MATN2: variants seen among roughly 807,000 people sequenced by gnomAD.
MATN2 encodes the protein matrilin-2.
Under a neutral mutation model 103.2 loss-of-function variants are expected in MATN2, and 69 were observed. The ratio of observed to expected loss-of-function variants is 0.67; its 90% CI spans 0.55 to 0.82. The LOEUF is 0.82. Among genes scored for constraint, MATN2 ranks in the 40% least tolerant of loss-of-function variants. The pLI, the probability that MATN2 is intolerant of heterozygous loss-of-function variation, is 0.00. For missense variants in MATN2, 1,023 were observed against 1,211.5 expected (o/e 0.84, Z 2.31); for synonymous variants, 429 against 450.2 (o/e 0.95, Z 0.60).
At chr8:98,029,968 T>G (rs1268929955) in intron 14 of MATN2, among the ~76,000 whole-genome samples, 1 of 152,188 alleles carries the variant, frequency 6.6e-6, no homozygotes, top group Non-Finnish European at 1.5e-5. Flanking sequence ...GCTTAGCACT[T>G]CCTCACAAAG....
At chr8:98,023,069 C>T (rs956333219) in intron 13 of MATN2, among the ~76,000 whole-genome samples, 3 of 152,022 alleles carry the variant, frequency 2.0e-5, no homozygotes, top group Admixed American at 1.3e-4. Context: ...GCCTGGGCAA[C>T]AGAGGAAGAC....
rs910008158 is a variant in MATN2, at chr8:98,036,189, A to C, written c.*477A>C. ...TGGAACAAGTTGGATTTTTTATACA[A>C]TATTAAAATTCACCACTTCAGAGAA... On this transcript the variant is annotated 3_prime_UTR_variant, in exon 19 of 19. Transcript: ENST00000254898. 6.6e-6 allele frequency: 1 copy of C among 152,418 alleles called. No homozygotes were observed. Among genetic ancestry groups the C allele is most frequent in the Admixed American group, 6.5e-5 (1 of 15,290 alleles). 9.4% of individuals were successfully genotyped at this position (152,418 alleles called of 1,614,324 possible). A position where few individuals can be genotyped will look rare whatever the true frequency, so the allele number is the denominator to read the frequency against.
intron 7 of MATN2, among the ~76,000 whole-genome samples, chr8:98,002,213 C>T (rs1326430713): frequency 6.6e-6 from 1 of 152,164 alleles, no homozygotes; most frequent in Non-Finnish European, 1.5e-5. Flanking sequence ...CTGGTTATGA[C>T]ACAGTTTCCA....
At chr8:98,022,417 A>C (rs1813631198) in intron 13 of MATN2, among the ~76,000 whole-genome samples, 1 of 152,142 alleles carries the variant, frequency 6.6e-6, no homozygotes, top group Non-Finnish European at 1.5e-5. Flanking sequence ...GTTTTGTTCC[A>C]AATGCATGTA....
At chr8:97,879,522 A>G (rs964148543) in intron 1 of MATN2, among the ~76,000 whole-genome samples, 8 of 152,192 alleles carry the variant, frequency 5.3e-5, no homozygotes. Flanking sequence ...TGGCTGAGAA[A>G]GGGTGTGGGT....
At chr8:97,971,516 C>T (rs531930453) in intron 5 of MATN2, among the ~76,000 whole-genome samples, 36 of 152,188 alleles carry the variant, frequency 2.4e-4, no homozygotes, top group Non-Finnish European at 4.0e-4. Flanking sequence ...CTAAGAACCT[C>T]CTCTGCTTTA....
chr8:97,931,197 T>C lies in MATN2; in HGVS notation c.387T>C (p.His129=). ...EVERAVKRMR[H]LSTGTMTGLA... ...AGCGTGCTGTCAAGAGGATGCGGCA[T>C]CTGTCCACGGGCACCATGACTGGGC... is the stretch of plus-strand genomic sequence containing the variant. The change falls in exon 3 of 19, where the codon CAT becomes CAC. Residue 129 remains histidine (H), a synonymous_variant. Coordinates refer to ENST00000254898, the MANE Select transcript of MATN2 (RefSeq NM_002380.5). This position sits in a 1 kb window ranked among gnomAD's most constrained non-coding sequence, Gnocchi z 4.1. 6 of 1,613,216 alleles carry C rather than the reference T, an allele frequency of 3.7e-6. No homozygotes were observed. The highest frequency in any genetic ancestry group is 5.1e-6 in the Non-Finnish European group (6 of 1,179,266).
chr8:97,950,412 C>G (rs1304335426), intron 4 of MATN2, among the ~76,000 whole-genome samples: 1 of 151,776 alleles, frequency 6.6e-6, no homozygotes, highest in Non-Finnish European at 1.5e-5. Context: ...TAAATTGGGG[C>G]TGGCAATAAT....
intron 7 of MATN2, among the ~76,000 whole-genome samples, chr8:98,002,797 T>A (rs77782133): frequency 6.6e-6 from 1 of 152,158 alleles, no homozygotes; most frequent in African/African-American, 2.4e-5. Flanking sequence ...CCTGGTTTCC[T>A]GAAGATTTAG....
chr8:98,026,252 T>G (rs1366260511), intron 13 of MATN2, among the ~76,000 whole-genome samples: 2 of 143,420 alleles, frequency 1.4e-5, no homozygotes, highest in Admixed American at 7.0e-5. Flanking sequence ...TTTTTTTTAA[T>G]TTTGTTTTTT....
intron 13 of MATN2, among the ~76,000 whole-genome samples, chr8:98,023,353 G>A (rs960596936): frequency 4.6e-5 from 7 of 152,046 alleles, no homozygotes; most frequent in African/African-American, 1.4e-4. Flanking sequence ...GCCATCACAA[G>A]GAATACATTA....
At chr8:98,019,262 T>C (rs996278681) in intron 12 of MATN2, among the ~76,000 whole-genome samples, 4 of 151,256 alleles carry the variant, frequency 2.6e-5, no homozygotes, top group African/African-American at 7.3e-5. Flanking sequence ...GAGGAAAAGA[T>C]TGGTTGATTT....
intron 4 of MATN2, among the ~76,000 whole-genome samples, chr8:97,944,123 G>A (rs903845864): frequency 5.9e-5 from 9 of 152,182 alleles, no homozygotes; most frequent in Admixed American, 1.3e-4. Context: ...AGGTCCAGGC[G>A]GAGGAGGGCT....
intron 1 of MATN2, among the ~76,000 whole-genome samples, chr8:97,876,900 C>T (rs576062422): frequency 2.0e-5 from 3 of 151,830 alleles, no homozygotes; most frequent in African/African-American, 4.8e-5. Flanking sequence ...ATTAATATGC[C>T]GTAATTAATT....
chr8:97,900,710 C>T (rs540816247), intron 2 of MATN2, among the ~76,000 whole-genome samples: 31 of 152,180 alleles, frequency 2.0e-4, no homozygotes, highest in Admixed American at 5.2e-4. Flanking sequence ...CCGAGGTGGG[C>T]GGATCACGAG....
At chr8:98,034,457 A>T (rs1814162078) in intron 18 of MATN2, 1 of 270,408 alleles carries the variant, frequency 3.7e-6, no homozygotes. Context: ...TGTAATAAGG[A>T]ACAACAGCAT....
At chr8:98,019,584 C>G (rs1040538928) in intron 12 of MATN2, among the ~76,000 whole-genome samples, 10 of 152,162 alleles carry the variant, frequency 6.6e-5, no homozygotes, top group African/African-American at 2.4e-4. Context: ...GGCACTATAG[C>G]CTAGCCAAAG....
intron 2 of MATN2, among the ~76,000 whole-genome samples, chr8:97,928,086 C>T (rs867977462): frequency 6.6e-5 from 10 of 152,270 alleles, no homozygotes; most frequent in African/African-American, 2.4e-4. Context: ...TTGGAGAGGG[C>T]CTGCCTGGGT....
chr8:98,032,172 G>T, intron 15 of MATN2, 74 bp from the exon 16 acceptor site: 1 of 1,237,652 alleles, frequency 8.1e-7, no homozygotes. Context: ...AGGTGGTCTG[G>T]GACCAGCTTC....
Sources: allele counts gnomAD v4.1 joint callset (sites outside exome capture counted in the v4.1 genomes callset), GRCh38; gene constraint gnomAD v4.1.1; non-coding constraint Gnocchi (gnomAD v3.1); transcripts MANE v1.5; gene names NCBI Gene and HGNC (gene_info 2026-07-23, HGNC 2026-07-21).